SAMSN1: variants seen among roughly 807,000 people sequenced by gnomAD.
The protein encoded by SAMSN1 is SAM domain, SH3 domain and nuclear localization signals 1.
SAMSN1 carries 31 observed loss-of-function variants against 42.0 expected under a neutral mutation model. The ratio of observed to expected loss-of-function variants is 0.74; its 90% confidence interval spans 0.55 to 1.00. SAMSN1 has a LOEUF of 1.00. SAMSN1 is among the 50% of genes least tolerant of loss of function. SAMSN1 has a pLI of 0.00. For missense variants in SAMSN1, 464 were observed against 439.4 expected (o/e 1.06, Z -0.50); for synonymous variants, 178 against 151.9 (o/e 1.17, Z -1.26).
intron 7 of SAMSN1, among the ~76,000 whole-genome samples, chr21:14,488,085 T>C (rs527748332): frequency 2.0e-5 from 3 of 152,244 alleles, no homozygotes; most frequent in African/African-American, 7.2e-5. Flanking sequence ...TTCTATCTTA[T>C]TGCCACTGAA....
chr21:14,565,588 C>G (rs970091611), intron 2 of SAMSN1, among the ~76,000 whole-genome samples: 1 of 152,144 alleles, frequency 6.6e-6, no homozygotes. Context: ...AAGCAGAGAT[C>G]TAAGCACCAG....
intron 2 of SAMSN1, among the ~76,000 whole-genome samples, chr21:14,579,352 C>T (rs1418249084): frequency 6.6e-6 from 1 of 152,064 alleles, no homozygotes; most frequent in Non-Finnish European, 1.5e-5. Flanking sequence ...TTAAAATAGA[C>T]AAAACTACCT....
At chr21:14,582,950 T>G (rs998022906) in intron 1 of SAMSN1, among the ~76,000 whole-genome samples, 1 of 152,222 alleles carries the variant, frequency 6.6e-6, no homozygotes, top group African/African-American at 2.4e-5. Flanking sequence ...GAAATCCTAC[T>G]GACATTCTGA....
At chr21:14,655,539 G>A (rs913334326) in intron 1 of SAMSN1, among the ~76,000 whole-genome samples, 1 of 151,712 alleles carries the variant, frequency 6.6e-6, no homozygotes, top group African/African-American at 2.4e-5. Context: ...TTTTGATACA[G>A]ATTAAAATAT....
chr21:14,496,526 ACT>A (rs1319753614), intron 7 of SAMSN1: 3 of 152,148 alleles, frequency 2.0e-5, no homozygotes, highest in Non-Finnish European at 4.4e-5. Context: ...CCATAATAAA[ACT>A]CTATAGAATC....
chr21:14,616,990 T>G (rs968152219), intron 2 of SAMSN1, among the ~76,000 whole-genome samples: 1 of 152,220 alleles, frequency 6.6e-6, no homozygotes, highest in African/African-American at 2.4e-5. Flanking sequence ...TGTATCAAGA[T>G]TTTTAACTGC....
chr21:14,636,768 G>C lies in SAMSN1; in HGVS notation c.156+6234C>G, dbSNP rs143712015. On this transcript the variant is annotated intron_variant, in intron 2 of 15. Transcript: ENST00000647101. ...GGAGGCTGAGGCGGTGGCGGGGTTG[G>C]GGGTGGAATTGCTTGAACCCTGGGG... Among the ~76,000 whole-genome samples, 266 of 152,172 alleles carry C rather than the reference G, an allele frequency of 1.7e-3. 9 individuals carry two copies. In the East Asian group the frequency reaches 0.041, roughly 24 times the overall value.
At chr21:14,637,161 T>A (rs1158191677) in intron 2 of SAMSN1, among the ~76,000 whole-genome samples, 1 of 152,194 alleles carries the variant, frequency 6.6e-6, no homozygotes, top group East Asian at 1.9e-4. Context: ...GGAAGTGAAT[T>A]TTAATTTAAT....
chr21:14,611,770 C>G (rs1229726417), intron 4 of SAMSN1, among the ~76,000 whole-genome samples: 6 of 152,122 alleles, frequency 3.9e-5, no homozygotes, highest in Non-Finnish European at 7.3e-5. Flanking sequence ...ACGCAGATAT[C>G]CTTCAAAGTT....
chr21:14,538,019 G>C (rs180761755), intron 1 of SAMSN1, among the ~76,000 whole-genome samples: 2 of 151,938 alleles, frequency 1.3e-5, no homozygotes, highest in African/African-American at 4.8e-5. Flanking sequence ...GTCTTATTTG[G>C]TTTTATGTTT....
chr21:14,519,125 T>C (rs984581663), intron 2 of SAMSN1, among the ~76,000 whole-genome samples: 9 of 152,174 alleles, frequency 5.9e-5, no homozygotes, highest in African/African-American at 1.7e-4. Context: ...TATGGTTTTG[T>C]TCTTGTCTTT....
At chr21:14,620,254 G>A (rs1316364920) in intron 2 of SAMSN1, among the ~76,000 whole-genome samples, 1 of 152,184 alleles carries the variant, frequency 6.6e-6, no homozygotes, top group Non-Finnish European at 1.5e-5. Flanking sequence ...CCTAGGTGTT[G>A]AGGGAGGAAC....
chr21:14,631,789 A>G (rs574341499), intron 2 of SAMSN1, among the ~76,000 whole-genome samples: 1 of 152,322 alleles, frequency 6.6e-6, no homozygotes, highest in African/African-American at 2.4e-5. Flanking sequence ...CTTGATACTT[A>G]TAAATCAGAA....
intron 1 of SAMSN1, among the ~76,000 whole-genome samples, chr21:14,535,140 T>C (rs914413837): frequency 5.9e-5 from 9 of 152,202 alleles, no homozygotes; most frequent in Non-Finnish European, 1.0e-4. Context: ...GGCCCAGACA[T>C]AGGTATTTTT....
chr21:14,574,668 G>A (rs2123225733), intron 2 of SAMSN1, among the ~76,000 whole-genome samples: 1 of 152,000 alleles, frequency 6.6e-6, no homozygotes, highest in African/African-American at 2.4e-5. Context: ...ATTTATCCTG[G>A]GTTTCTAGAC....
At chr21:14,493,574 AACACAC>A (rs201460166) in intron 7 of SAMSN1, among the ~76,000 whole-genome samples, 4,788 of 102,292 alleles carry the variant, frequency 0.047, 240 homozygotes, top group African/African-American at 0.12. Context: ...TTTATGGAAC[AACACAC>A]ACACACACAC....
At chr21:14,636,251 A>G (rs1600977421) in intron 2 of SAMSN1, among the ~76,000 whole-genome samples, 2 of 152,146 alleles carry the variant, frequency 1.3e-5, no homozygotes, top group East Asian at 3.9e-4. Context: ...TATTTAGCAC[A>G]TGTATTATAA....
At position 14,556,684 on chromosome 21, in the gene SAMSN1, G is replaced by A. The variant is rs189394707; in HGVS notation, c.261+25452C>T. Reference sequence around the variant, plus strand: ...TATACATGAAGTGCAAAGCCACAGTGAGGCATGCTGCCTCGGAAGCCTACC... The same window carrying A: ...TATACATGAAGTGCAAAGCCACAGTAAGGCATGCTGCCTCGGAAGCCTACC... On this transcript the variant is annotated intron_variant, in intron 2 of 8. Coordinates refer to the SAMSN1 transcript ENST00000285670. Among the ~76,000 whole-genome samples, 4 of 152,308 alleles carry A rather than the reference G, an allele frequency of 2.6e-5. No homozygotes were observed. The East Asian group carries it at 7.7e-4, about 29-fold the overall frequency.
At chr21:14,615,370 G>C (rs913210760) in intron 3 of SAMSN1, among the ~76,000 whole-genome samples, 2 of 152,014 alleles carry the variant, frequency 1.3e-5, no homozygotes, top group Non-Finnish European at 2.9e-5. Context: ...TGAGAAAGAG[G>C]ACACCCAGAG....
Sources: allele counts gnomAD v4.1 joint callset (sites outside exome capture counted in the v4.1 genomes callset), GRCh38; gene constraint gnomAD v4.1.1; transcripts MANE v1.5; gene names NCBI Gene and HGNC (gene_info 2026-07-23, HGNC 2026-07-21).